Variants in PTPRM observed in about 807,000 individuals in gnomAD.
PTPRM encodes receptor-type tyrosine-protein phosphatase mu.
PTPRM carries 47 observed loss-of-function variants against 186.7 expected under a neutral mutation model. The observed-to-expected ratio is 0.25, with a 90% CI of 0.20 to 0.32. PTPRM has a LOEUF of 0.32. PTPRM is among the 10% of genes least tolerant of loss of function. The probability of loss-of-function intolerance (pLI) is 1.00; values close to 1 mark genes in which losing one functional copy is unlikely to be tolerated. For missense variants in PTPRM, 1,494 were observed against 1,865.0 expected (o/e 0.80, Z 3.66); for synonymous variants, 668 against 674.9 (o/e 0.99, Z 0.16).
At chr18:8,009,871 G>A (rs917495681) in intron 7 of PTPRM, among the ~76,000 whole-genome samples, 1 of 151,982 alleles carries the variant, frequency 6.6e-6, no homozygotes, top group African/African-American at 2.4e-5. Context: ...ACTAGAACTC[G>A]AGATAATAAA....
intron 14 of PTPRM, among the ~76,000 whole-genome samples, chr18:8,231,047 C>T (rs1177363762): frequency 6.6e-6 from 1 of 152,170 alleles, no homozygotes; most frequent in Non-Finnish European, 1.5e-5. Context: ...GCCATTTACC[C>T]TTTCATTCTT....
At chr18:8,028,049 T>C (rs1470422317) in intron 7 of PTPRM, among the ~76,000 whole-genome samples, 2 of 152,090 alleles carry the variant, frequency 1.3e-5, no homozygotes, top group African/African-American at 2.4e-5. Flanking sequence ...TCACCCAGGC[T>C]AGAGTGCAAT....
chr18:7,803,640 G>T (rs73395421), intron 2 of PTPRM, among the ~76,000 whole-genome samples: 2,131 of 152,276 alleles, frequency 0.014, 45 homozygotes, highest in African/African-American at 0.04. Flanking sequence ...ATGGCTGAAG[G>T]TTAGCCCATG....
chr18:7,647,036 C>G (rs188583096), intron 1 of PTPRM, among the ~76,000 whole-genome samples: 88 of 152,286 alleles, frequency 5.8e-4, no homozygotes, highest in African/African-American at 2.0e-3. Flanking sequence ...GAGGCCACCA[C>G]AGGCCCTGTT....
intron 1 of PTPRM, among the ~76,000 whole-genome samples, chr18:7,643,070 A>G (rs2144196882): frequency 6.6e-6 from 1 of 152,070 alleles, no homozygotes; most frequent in South Asian, 2.1e-4. Context: ...TTCCCTTAAA[A>G]AGGATATTCC....
chr18:7,854,732 T>G (rs1345321087), intron 2 of PTPRM, among the ~76,000 whole-genome samples: 3 of 13,064 alleles, frequency 2.3e-4, no homozygotes, highest in African/African-American at 9.3e-4. Flanking sequence ...ATGTTAGGAG[T>G]TTTTTTTTTT....
intron 7 of PTPRM, among the ~76,000 whole-genome samples, chr18:8,025,448 C>T (rs567621885): frequency 3.9e-5 from 6 of 152,278 alleles, no homozygotes; most frequent in Non-Finnish European, 7.4e-5. Context: ...AAAAATCTGC[C>T]TGATTAGGTG....
chr18:8,126,021 A>ATTTTTTTTTT (rs1235933280), intron 13 of PTPRM, among the ~76,000 whole-genome samples: 2 of 37,504 alleles, frequency 5.3e-5, no homozygotes, highest in Non-Finnish European at 6.5e-5. Flanking sequence ...ATATATATAT[A>ATTTTTTTTTT]TATATATTTT....
At chr18:7,840,832 A>G (rs187718303) in intron 2 of PTPRM, among the ~76,000 whole-genome samples, 4 of 152,322 alleles carry the variant, frequency 2.6e-5, no homozygotes, top group Admixed American at 6.5e-5. Context: ...GCCCTTGAAA[A>G]TCCAAGATGC....
chr18:8,261,427 G>C (rs531229469), intron 19 of PTPRM, among the ~76,000 whole-genome samples: 9 of 152,142 alleles, frequency 5.9e-5, no homozygotes, highest in Non-Finnish European at 1.3e-4. Flanking sequence ...CTGAAATTTT[G>C]AGATGGCTTC....
chr18:8,097,495 T>A (rs142290382), intron 11 of PTPRM, among the ~76,000 whole-genome samples: 3 of 152,332 alleles, frequency 2.0e-5, no homozygotes, highest in African/African-American at 7.2e-5. Flanking sequence ...AAAAGTGTTG[T>A]AGGAAATGTT....
chr18:7,681,086 C>A (rs1320874679), intron 1 of PTPRM, among the ~76,000 whole-genome samples: 3 of 152,078 alleles, frequency 2.0e-5, no homozygotes, highest in Non-Finnish European at 2.9e-5. Context: ...ATTTAGAAAC[C>A]CTTAACTTTC....
chr18:8,257,450 A>G (rs974937353), intron 19 of PTPRM, among the ~76,000 whole-genome samples: 2 of 152,216 alleles, frequency 1.3e-5, no homozygotes, highest in African/African-American at 4.8e-5. Context: ...ATGGAGAGCT[A>G]TTTAGTCTGA....
chr18:8,309,076 A>C (rs2095248518), intron 20 of PTPRM, among the ~76,000 whole-genome samples: 1 of 152,216 alleles, frequency 6.6e-6, no homozygotes, highest in South Asian at 2.1e-4. Flanking sequence ...AATATAGTAC[A>C]ATTTATGTCT....
intron 1 of PTPRM, among the ~76,000 whole-genome samples, chr18:7,743,424 A>G (rs1430942348): frequency 6.6e-6 from 1 of 152,242 alleles, no homozygotes; most frequent in African/African-American, 2.4e-5. Flanking sequence ...ATTCTAGCTA[A>G]TGTCAGTGAG....
At chr18:7,963,391 T>C (rs760406326) in intron 7 of PTPRM, among the ~76,000 whole-genome samples, 7 of 152,232 alleles carry the variant, frequency 4.6e-5, no homozygotes, top group Non-Finnish European at 1.0e-4. Flanking sequence ...GGAGCAATTC[T>C]GCATGAGAGG....
chr18:8,169,689 G>A (rs567448065), intron 14 of PTPRM, among the ~76,000 whole-genome samples: 1 of 152,116 alleles, frequency 6.6e-6, no homozygotes, highest in Non-Finnish European at 1.5e-5. Flanking sequence ...CTTTTATTTA[G>A]TCTTCAGGAA....
chr18:8,037,180 T>C (rs1393393341), intron 7 of PTPRM, among the ~76,000 whole-genome samples: 1 of 152,214 alleles, frequency 6.6e-6, no homozygotes, highest in Admixed American at 6.5e-5. Flanking sequence ...AAAGGTTTCT[T>C]CAAAATCCCT....
chr18:8,128,541 A>G (rs920029850), intron 13 of PTPRM, among the ~76,000 whole-genome samples: 22 of 152,264 alleles, frequency 1.4e-4, no homozygotes, highest in African/African-American at 5.3e-4. Context: ...TTAATGGGCT[A>G]TAGTGTCACT....
Sources: allele counts gnomAD v4.1 joint callset (sites outside exome capture counted in the v4.1 genomes callset), GRCh38; gene constraint gnomAD v4.1.1; transcripts MANE v1.5; gene names NCBI Gene and HGNC (gene_info 2026-07-23, HGNC 2026-07-21).